SLC13A5: variants seen among roughly 807,000 people sequenced by gnomAD.
The protein encoded by SLC13A5 is Na(+)/citrate cotransporter.
SLC13A5 carries 25 observed loss-of-function variants against 56.5 expected under a neutral mutation model. The ratio of observed to expected loss-of-function variants is 0.44; its 90% CI spans 0.32 to 0.62. SLC13A5 has a LOEUF of 0.62. Among genes scored for constraint, SLC13A5 ranks in the 20% least tolerant of loss-of-function variants. SLC13A5 has a pLI of 0.04. For synonymous variants in SLC13A5, 307 were observed against 301.5 expected (o/e 1.02, Z -0.19); for missense variants, 649 against 737.8 (o/e 0.88, Z 1.39).
In SLC13A5 at chr17:6,711,413, T is replaced by G. The variant is rs570287422; in HGVS notation, c.102+1819A>C. On this transcript the variant is annotated intron_variant, in intron 1 of 11. Coordinates refer to ENST00000433363, the MANE Select transcript of SLC13A5 (RefSeq NM_177550.5). The surrounding 1 kb of genome is among the most constrained non-coding windows in gnomAD (Gnocchi z 4.0). ...CTCACTCAAAGGACAGCTTAATCTCTCTCTCTCTCTCTCTTACACACACAC... is the reference window on the plus strand; with the variant it reads ...CTCACTCAAAGGACAGCTTAATCTCGCTCTCTCTCTCTCTTACACACACAC... Among the ~76,000 whole-genome samples the G allele has an allele frequency of 1.0e-5, 1 of 99,992 alleles. No individual in the cohort carries two copies. The allele number at this position is 99,992 out of a possible 152,430, so 65.6% of individuals were successfully genotyped here.
intron 1 of SLC13A5, among the ~76,000 whole-genome samples, chr17:6,712,503 C>T (rs1974067833): frequency 6.6e-6 from 1 of 152,262 alleles, no homozygotes; most frequent in African/African-American, 2.4e-5. Context: ...TTCCCTGCAA[C>T]TCCAGGTCCT....
chr17:6,702,928 T>C, intron 5 of SLC13A5, 42 bp downstream of exon 5: 1 of 1,602,102 alleles, frequency 6.2e-7, no homozygotes, highest in Admixed American at 1.7e-5. Context: ...CCAGCCCCGG[T>C]ACCCACTTCG....
chr17:6,710,096 A>T (rs1327385504), intron 1 of SLC13A5, among the ~76,000 whole-genome samples: 1 of 152,168 alleles, frequency 6.6e-6, no homozygotes, highest in African/African-American at 2.4e-5. Flanking sequence ...TTGACACCAG[A>T]CAGATATGAT....
Position 6,687,654 on chromosome 17 carries a change from C to T in SLC13A5, c.1450G>A (p.Gly484Ser), listed in dbSNP as rs779942374. The change falls in exon 11 of 12, where the codon GGC becomes AGC. Residue 484 changes from glycine (G) to serine (S), a missense_variant. By Grantham distance (56) the Gly-to-Ser change is moderately conservative (BLOSUM62 0). Transcript: ENST00000433363. The surrounding 1 kb of genome is among the most constrained non-coding windows in gnomAD (Gnocchi z 5.0). The stretch of plus-strand genomic sequence containing the variant: ...AGCATGATGTACAGCGGATTGAGGC[C>T]GATGGAGCGAGACTGCGGAAAAACA... The part of the protein sequence containing the change: ...PIFASMSRSI[G>S]LNPLYIMLPC... 15 of 1,602,738 alleles carry T rather than the reference C, an allele frequency of 9.4e-6. No homozygotes were observed. The highest frequency in any genetic ancestry group is 1.2e-5 in the Non-Finnish European group (14 of 1,175,188).
chr17:6,695,952 CA>C lies in SLC13A5; in HGVS notation c.840-12del. The C allele has an allele frequency of 6.2e-7, 1 of 1,612,878 alleles. No homozygotes were observed. The highest frequency in any genetic ancestry group is 8.5e-7 in the Non-Finnish European group (1 of 1,179,458). ...CAGGACTTTTTAAAACTGGAGAATGCAAAGATGAGAGAAGGGCAGGGCAGAC... is the reference window on the plus strand; with the variant it reads ...CAGGACTTTTTAAAACTGGAGAATGCAAGATGAGAGAAGGGCAGGGCAGAC... On this transcript the variant is annotated splice_polypyrimidine_tract_variant and intron_variant, in intron 6 of 11. Coordinates refer to ENST00000433363, the MANE Select transcript of SLC13A5 (RefSeq NM_177550.5).
intron 1 of SLC13A5, among the ~76,000 whole-genome samples, chr17:6,710,618 A>G (rs4586500): frequency 0.14 from 21,486 of 152,140 alleles, 1,728 homozygotes; most frequent in East Asian, 0.31. Flanking sequence ...CCCTGAAGTC[A>G]ACAGGCTTGA....
chr17:6,712,949 C>G (rs1002016077), intron 1 of SLC13A5, among the ~76,000 whole-genome samples: 27 of 152,216 alleles, frequency 1.8e-4, no homozygotes, highest in Non-Finnish European at 3.5e-4. Flanking sequence ...ATCTGTGTGG[C>G]TGAGATCTGT....
rs8078568 is a variant in SLC13A5, at chr17:6,713,000, C to T, written c.102+232G>A. On this transcript the variant is annotated intron_variant, in intron 1 of 11. Transcript: ENST00000433363. Reference sequence around the variant, plus strand: ...TCCGTGCTTGCCTGGACGGCTCTTGCGCCCTGGGATCTGTAAACCCCAAGG... The same window carrying T: ...TCCGTGCTTGCCTGGACGGCTCTTGTGCCCTGGGATCTGTAAACCCCAAGG... Among the ~76,000 whole-genome samples, 2,851 of 152,292 alleles carry T rather than the reference C, an allele frequency of 0.019. 93 individuals carry two copies. The highest frequency in any genetic ancestry group is 0.064 in the African/African-American group (2,669 of 41,558).
At chr17:6,709,405 G>A (rs1306091587) in intron 1 of SLC13A5, among the ~76,000 whole-genome samples, 1 of 152,018 alleles carries the variant, frequency 6.6e-6, no homozygotes, top group Non-Finnish European at 1.5e-5. Context: ...GAGTAGCTGG[G>A]ACTACAGACA....
At chr17:6,691,045 C>T in intron 9 of SLC13A5, 105 bp from the exon 10 acceptor site, 2 of 1,265,028 alleles carry the variant, frequency 1.6e-6, no homozygotes, top group Non-Finnish European at 2.2e-6. Context: ...TCTCTCTCTA[C>T]ACCTCATAGG....
chr17:6,691,015 C>T (rs1039756672), intron 9 of SLC13A5, 75 bp from the exon 10 acceptor site: 7 of 1,503,954 alleles, frequency 4.7e-6, no homozygotes, highest in Non-Finnish European at 6.2e-6. Flanking sequence ...CAAGCTTGGC[C>T]CATCCTCCCC....
chr17:6,699,130 G>A (rs181368087), intron 6 of SLC13A5, among the ~76,000 whole-genome samples: 6 of 151,828 alleles, frequency 4.0e-5, no homozygotes, highest in East Asian at 3.9e-4. Flanking sequence ...AAGAGCGCTC[G>A]AAATCATGTC....
intron 3 of SLC13A5, chr17:6,704,443 C>T (rs1973811056): frequency 2.8e-6 from 1 of 357,594 alleles, no homozygotes; most frequent in South Asian, 2.1e-5. Flanking sequence ...GCTGGAATAC[C>T]CCTATGTGCA....
In SLC13A5 at chr17:6,704,064, G is replaced by C; in HGVS notation, c.369-8C>G. ...ATGAAGCCCAGCATCAGCCTGCAGA[G>C]GAGGGGCAGGGAGGAAAGCCAGAGA... On this transcript the variant is annotated splice_region_variant and splice_polypyrimidine_tract_variant and intron_variant, in intron 3 of 11. Coordinates refer to ENST00000433363, the MANE Select transcript of SLC13A5 (RefSeq NM_177550.5). The C allele has an allele frequency of 1.2e-6, 2 of 1,605,966 alleles. No homozygotes were observed. The highest frequency in any genetic ancestry group is 1.3e-5 in the African/African-American group (1 of 74,966).
In SLC13A5 at chr17:6,701,805, T is replaced by A. The variant is rs1284952688; in HGVS notation, c.717-679A>T. On this transcript the variant is annotated intron_variant, in intron 5 of 11. Transcript: ENST00000433363. The surrounding 1 kb of genome is among the most constrained non-coding windows in gnomAD (Gnocchi z 4.1). ...CAGAGACCTCAGCAATCTCGCTCTG[T>A]GGGTTTCTGCAAAGAACGGTCCCCC... 6.6e-6 allele frequency among the ~76,000 whole-genome samples: 1 copy of A among 152,224 alleles called. No individual in the cohort carries two copies. The highest frequency in any genetic ancestry group is 1.5e-5 in the Non-Finnish European group (1 of 68,044).
chr17:6,711,890 G>C lies in SLC13A5; in HGVS notation c.102+1342C>G, dbSNP rs139989019. Among the ~76,000 whole-genome samples the C allele has an allele frequency of 6.0e-4, 92 of 152,224 alleles. No individual in the cohort carries two copies. Among genetic ancestry groups the C allele is most frequent in the African/African-American group, 2.2e-3 (92 of 41,524 alleles). ...TTCTTGCTACAGAGGAAGTGTGGCT[G>C]CCCACAGTTGGTGTGGCAACTGCAC... On this transcript the variant is annotated intron_variant, in intron 1 of 11. Transcript: ENST00000433363. The surrounding 1 kb of genome is among the most constrained non-coding windows in gnomAD (Gnocchi z 4.0).
At chr17:6,704,719 C>T (rs898252629) in intron 3 of SLC13A5, 3 of 171,886 alleles carry the variant, frequency 1.7e-5, no homozygotes, top group Admixed American at 5.6e-5. Context: ...GCTTGTAACC[C>T]CTGCTCCCTT....
At chr17:6,709,873 G>A (rs218681) in intron 1 of SLC13A5, among the ~76,000 whole-genome samples, 43,522 of 152,032 alleles carry the variant, frequency 0.29, 6,653 homozygotes, top group Admixed American at 0.4. Context: ...GCTTTGTTGT[G>A]GGAGCTGTGC....
Position 6,703,031 on chromosome 17 carries a change from C to T in SLC13A5, c.655G>A (p.Gly219Arg), listed in dbSNP as rs144332569. The T allele has an allele frequency of 1.8e-4, 291 of 1,614,092 alleles. No individual in the cohort carries two copies. Among genetic ancestry groups the T allele is most frequent in the Non-Finnish European group, 2.2e-4 (259 of 1,180,044 alleles). Residue 219 changes from glycine to arginine, a missense_variant, in exon 5 of 12, where the codon GGG becomes AGG. By Grantham distance (125) the Gly-to-Arg change is moderately radical (BLOSUM62 -2). Transcript: ENST00000433363. ...GTCCCGGTCAGGGTGGCGGTGCCCC[C>T]GATGCTGGCCGCGTAGCAGATGCAC... ...TLCICYAASI[G>R]GTATLTGTGP...
Sources: gnomAD v4.1 joint callset for allele counts (sites outside exome capture counted in the v4.1 genomes callset) on GRCh38, gnomAD v4.1.1 for gene constraint, Gnocchi (gnomAD v3.1) non-coding constraint, MANE v1.5 for transcripts, NCBI Gene and HGNC (gene_info 2026-07-23, HGNC 2026-07-21) for gene names.